The following SP110 variants were observed in gnomAD, a reference collection of about 807,000 sequenced individuals.
SP110 encodes the protein SP110 nuclear body protein, also known as interferon-induced protein 41, 30kD.
SP110 carries 62 observed loss-of-function variants against 92.7 expected under a neutral mutation model. That is an observed-to-expected ratio of 0.67 (90% CI 0.55 to 0.83). The LOEUF (loss-of-function observed/expected upper bound fraction) is 0.83. SP110 is among the 40% of genes least tolerant of loss of function. The probability of loss-of-function intolerance (pLI) is 0.00; values close to 1 mark genes in which losing one functional copy is unlikely to be tolerated. For missense variants in SP110, 793 were observed against 863.9 expected, an observed-to-expected ratio of 0.92 and a Z score of 1.03; for synonymous variants, 273 against 305.3, an observed-to-expected ratio of 0.89 and a Z score of 1.10.
At chr2:230,224,970 C>A (rs1042962110), upstream of SP110, among the ~76,000 whole-genome samples, 1 of 152,144 alleles carries the variant, frequency 6.6e-6, no homozygotes, top group Non-Finnish European at 1.5e-5. Flanking sequence ...TGTTTCAAAT[C>A]CTTTACAGAA....
intron 16 of SP110, 59 bp downstream of exon 16, chr2:230,172,007 G>A: frequency 1.9e-6 from 2 of 1,073,680 alleles, no homozygotes; most frequent in South Asian, 1.2e-5. Flanking sequence ...CCCTGTGCCT[G>A]TTTGTGCTTC....
chr2:230,185,653 G>C (rs2042322744), intron 11 of SP110, among the ~76,000 whole-genome samples: 1 of 152,232 alleles, frequency 6.6e-6, no homozygotes, highest in South Asian at 2.1e-4. Context: ...TCCACTTTGA[G>C]GATTGGTGCC....
intron 9 of SP110, among the ~76,000 whole-genome samples, chr2:230,201,925 A>G (rs2043222227): frequency 6.6e-6 from 1 of 152,220 alleles, no homozygotes; most frequent in African/African-American, 2.4e-5. Flanking sequence ...ATCTCAAAAG[A>G]CTGTTAAATT....
chr2:230,189,589 CA>C (rs1266611588), intron 10 of SP110, among the ~76,000 whole-genome samples: 1 of 152,106 alleles, frequency 6.6e-6, no homozygotes, highest in Admixed American at 6.5e-5. Context: ...AAAAACCCCC[CA>C]AAATGGGACA....
intron 8 of SP110, chr2:230,203,121 A>G (rs1023593543): frequency 4.1e-6 from 1 of 243,000 alleles, no homozygotes; most frequent in African/African-American, 2.3e-5. Flanking sequence ...TGTGTGGTAC[A>G]AGAGATTTCC....
At chr2:230,177,344 T>G (rs1385865881) in intron 14 of SP110, 194 bp downstream of exon 14, 5 of 678,544 alleles carry the variant, frequency 7.4e-6, no homozygotes, top group Non-Finnish European at 1.3e-5. Flanking sequence ...TTACTTGCAT[T>G]TAAAGTTCTC....
At chr2:230,217,029 T>C (rs1333309949) in intron 1 of SP110, 101 bp from the exon 2 acceptor site, 1 of 897,210 alleles carries the variant, frequency 1.1e-6, no homozygotes, top group Admixed American at 2.0e-5. Context: ...GTGGATCACC[T>C]GAGGTCAAGA....
At chr2:230,179,739 T>C (rs970726497) in intron 12 of SP110, among the ~76,000 whole-genome samples, 1 of 151,910 alleles carries the variant, frequency 6.6e-6, no homozygotes, top group Non-Finnish European at 1.5e-5. Context: ...TCTAATTCCC[T>C]GTGGTGAATA....
intron 1 of SP110, among the ~76,000 whole-genome samples, chr2:230,218,441 C>G (rs975720679): frequency 1.3e-5 from 2 of 152,144 alleles, no homozygotes; most frequent in Non-Finnish European, 2.9e-5. Context: ...AGATAGAGAA[C>G]AGATAGGAGA....
chr2:230,185,845 A>T, intron 11 of SP110, 149 bp downstream of exon 11: 1 of 795,140 alleles, frequency 1.3e-6, no homozygotes, highest in Non-Finnish European at 2.2e-6. Context: ...TGTCACATCA[A>T]CAGATCCGTG....
Position 230,202,715 on chromosome 2 carries a change from A to T in SP110, c.912T>A (p.Ser304=), listed in dbSNP as rs762686467. The T allele has an allele frequency of 6.2e-7, 1 of 1,614,160 alleles. No homozygotes were observed. Among genetic ancestry groups the T allele is most frequent in the South Asian group, 1.1e-5 (1 of 91,088 alleles). The stretch of plus-strand genomic sequence containing the variant: ...TGAGCTTCTTTTGGATTCCGTGTCT[A>T]GATGAGGCTGTCCCTGGACCAAATA... ...KKSLPGGTAS[S]RHGIQKKLKR... The change falls in exon 9 of 19, where the codon TCT becomes TCA. Residue 304 remains serine (S), a synonymous_variant. Transcript: ENST00000258381.
chr2:230,172,403 G>T, intron 15 of SP110: 1 of 597,846 alleles, frequency 1.7e-6, no homozygotes, highest in Non-Finnish European at 3.0e-6. Context: ...GTTAAGTGTG[G>T]GCTCTCTTTT....
chr2:230,194,874 T>C (rs1438705811), intron 10 of SP110, among the ~76,000 whole-genome samples: 4 of 152,174 alleles, frequency 2.6e-5, no homozygotes, highest in Non-Finnish European at 2.9e-5. Flanking sequence ...AAGTTGGTGT[T>C]AGGTTTGCTC....
intron 10 of SP110, 82 bp from the exon 11 acceptor site, chr2:230,186,225 C>A: frequency 7.6e-7 from 1 of 1,322,074 alleles, no homozygotes; most frequent in South Asian, 1.2e-5. Flanking sequence ...GTTATCTTGC[C>A]ATTTCTCTAT....
chr2:230,176,730 A>G (rs201155234), intron 14 of SP110: 1 of 1,613,990 alleles, frequency 6.2e-7, no homozygotes, highest in Non-Finnish European at 8.5e-7. Flanking sequence ...CCACTCTGAA[A>G]GACAGAAGGA....
chr2:230,222,993 T>C (rs2045946224), upstream of SP110, among the ~76,000 whole-genome samples: 2 of 151,910 alleles, frequency 1.3e-5, no homozygotes, highest in Non-Finnish European at 2.9e-5. Flanking sequence ...GCCACCAAGA[T>C]CCTGCTCATC....
intron 10 of SP110, among the ~76,000 whole-genome samples, chr2:230,191,247 A>C (rs1259702183): frequency 6.6e-6 from 1 of 152,134 alleles, no homozygotes; most frequent in African/African-American, 2.4e-5. Context: ...AGGCAAGAGC[A>C]AGCTAATCCA....
chr2:230,201,114 G>C lies in SP110; in HGVS notation c.1049-149C>G. 6 of 724,948 alleles carry C rather than the reference G, an allele frequency of 8.3e-6. No homozygotes were observed. In the South Asian group the frequency reaches 8.8e-5, roughly 11 times the overall value. The allele number at this position is 724,948 out of a possible 1,614,324, so 44.9% of individuals were successfully genotyped here. ...AACAATGCATCTACCAAGAGATTTG[G>C]TGCTGCTCATGACACTGTGCCTGTC... On this transcript the variant is annotated intron_variant, in intron 9 of 18. Transcript: ENST00000258381.
intron 10 of SP110, among the ~76,000 whole-genome samples, chr2:230,196,318 A>T (rs1459866662): frequency 2.6e-5 from 4 of 152,166 alleles, no homozygotes; most frequent in Non-Finnish European, 5.9e-5. Flanking sequence ...GTAGGTGATT[A>T]TTTAAACAAA....
Sources: gnomAD v4.1 joint callset for allele counts (sites outside exome capture counted in the v4.1 genomes callset) on GRCh38, gnomAD v4.1.1 for gene constraint, MANE v1.5 for transcripts, NCBI Gene and HGNC (gene_info 2026-07-23, HGNC 2026-07-21) for gene names.